The following ZFHX4 variants were observed in gnomAD, a reference collection of about 807,000 sequenced individuals.
The protein encoded by ZFHX4 is zinc finger homeobox 4.
ZFHX4 carries 56 observed loss-of-function variants against 267.6 expected under a neutral mutation model. The observed-to-expected ratio is 0.21, with a 90% CI of 0.17 to 0.26. ZFHX4 has a LOEUF of 0.26. Ranked by LOEUF, ZFHX4 falls within the 10% of genes least tolerant of loss-of-function variation. The pLI is 1.00. For synonymous variants in ZFHX4, 1,778 were observed against 1,665.6 expected (o/e 1.07, Z -1.64); for missense variants, 4,332 against 4,420.0 (o/e 0.98, Z 0.56).
intron 3 of ZFHX4, among the ~76,000 whole-genome samples, chr8:76,719,754 A>C (rs1473385199): frequency 6.6e-6 from 1 of 152,164 alleles, no homozygotes; most frequent in African/African-American, 2.4e-5. Flanking sequence ...CCAAACAAGT[A>C]TCTTCTTAAA....
At chr8:76,787,370 G>A (rs1455090480) in intron 4 of ZFHX4, among the ~76,000 whole-genome samples, 5 of 152,104 alleles carry the variant, frequency 3.3e-5, no homozygotes, top group African/African-American at 1.2e-4. Flanking sequence ...AGAGGGAAGT[G>A]ATTAGGTAGT....
At chr8:76,702,154 A>G (rs762545458) in intron 1 of ZFHX4, among the ~76,000 whole-genome samples, 5 of 152,212 alleles carry the variant, frequency 3.3e-5, no homozygotes, top group Non-Finnish European at 7.3e-5. Context: ...AGCTGTATGC[A>G]TGCCATAAGG....
chr8:76,851,159 A>G lies in ZFHX4; in HGVS notation c.4238A>G (p.Gln1413Arg). The G allele has an allele frequency of 6.2e-7, 1 of 1,613,988 alleles. No homozygotes were observed. The highest frequency in any genetic ancestry group is 8.5e-7 in the Non-Finnish European group (1 of 1,179,886). Residue 1413 changes from glutamine to arginine, a missense_variant, in exon 10 of 11, where the codon CAG becomes CGG. Physicochemically the swap from Gln to Arg is conservative, Grantham distance 43. Around this residue, in one of 7 missense-constraint regions of ZFHX4, gnomAD observed 1,371 missense variants for 1,423.1 expected, o/e 0.96. Transcript: ENST00000651372. ...SLAFKTMQKL[Q>R]IHSQYHAIRA... Reference sequence around the variant, plus strand: ...GCTTTCAAAACTATGCAGAAGCTTCAGATACATTCCCAGTATCATGCAATT... The same window carrying G: ...GCTTTCAAAACTATGCAGAAGCTTCGGATACATTCCCAGTATCATGCAATT...
intron 4 of ZFHX4, among the ~76,000 whole-genome samples, chr8:76,827,843 T>C (rs1811827712): frequency 1.3e-5 from 2 of 152,182 alleles, no homozygotes; most frequent in African/African-American, 2.4e-5. Context: ...AAAGGAGCTT[T>C]ACTTTTCCAG....
intron 3 of ZFHX4, among the ~76,000 whole-genome samples, chr8:76,715,828 A>G (rs965558270): frequency 7.2e-5 from 11 of 152,186 alleles, no homozygotes; most frequent in Admixed American, 2.0e-4. Flanking sequence ...GTGTATGGAG[A>G]TCATATTCTT....
intron 1 of ZFHX4, among the ~76,000 whole-genome samples, chr8:76,686,058 A>C (rs925700347): frequency 6.6e-6 from 1 of 152,182 alleles, no homozygotes; most frequent in African/African-American, 2.4e-5. Context: ...TTTATCACAT[A>C]ATCTTGGGAA....
chr8:76,857,056 T>A (rs1812748472), intron 10 of ZFHX4, among the ~76,000 whole-genome samples: 1 of 152,190 alleles, frequency 6.6e-6, no homozygotes, highest in Non-Finnish European at 1.5e-5. Flanking sequence ...TGTAAAGCTG[T>A]TTGAGGCAAC....
intron 3 of ZFHX4, among the ~76,000 whole-genome samples, chr8:76,770,648 A>G (rs1810238930): frequency 6.6e-6 from 1 of 152,180 alleles, no homozygotes; most frequent in South Asian, 2.1e-4. Flanking sequence ...TTGATTAGTG[A>G]TGGGATAAGC....
intron 3 of ZFHX4, among the ~76,000 whole-genome samples, chr8:76,749,863 A>G (rs986765134): frequency 6.6e-6 from 1 of 152,186 alleles, no homozygotes; most frequent in Non-Finnish European, 1.5e-5. Flanking sequence ...ATCTTTTGAT[A>G]GACTAATTAT....
At chr8:76,810,987 T>C (rs537035288) in intron 4 of ZFHX4, among the ~76,000 whole-genome samples, 94 of 152,300 alleles carry the variant, frequency 6.2e-4, no homozygotes, top group African/African-American at 2.2e-3. Context: ...AGGCCATCTC[T>C]GAATGAGCCC....
chr8:76,823,963 G>T (rs1445974932), intron 4 of ZFHX4, among the ~76,000 whole-genome samples: 1 of 152,248 alleles, frequency 6.6e-6, no homozygotes, highest in African/African-American at 2.4e-5. Flanking sequence ...TTATTTATTT[G>T]TTTTGCATGC....
intron 10 of ZFHX4, 101 bp downstream of exon 10, chr8:76,856,401 C>A: frequency 7.5e-7 from 1 of 1,334,576 alleles, no homozygotes; most frequent in Non-Finnish European, 1.0e-6. Context: ...CTTTTAATTT[C>A]AGCTAGTGAA....
Position 76,852,929 on chromosome 8 carries a change from C to A in ZFHX4, c.6008C>A (p.Pro2003Gln). The change falls in exon 10 of 11, where the codon CCG becomes CAG. Residue 2003 changes from proline to glutamine, a missense_variant. By Grantham distance (76) the Pro-to-Gln change is moderately conservative. Transcript: ENST00000651372. ...YPISPSSPET[P>Q]PPPPPPPPLP... The stretch of plus-strand genomic sequence containing the variant: ...ATTTCTCCATCTTCTCCAGAAACGC[C>A]GCCCCCGCCACCTCCTCCTCCTCCC... 6.3e-7 allele frequency: 1 copy of A among 1,593,482 alleles called. No individual in the cohort carries two copies. The highest frequency in any genetic ancestry group is 1.1e-5 in the South Asian group (1 of 88,592).
chr8:76,798,535 C>T (rs1811040667), intron 4 of ZFHX4, among the ~76,000 whole-genome samples: 1 of 152,140 alleles, frequency 6.6e-6, no homozygotes, highest in Admixed American at 6.6e-5. Flanking sequence ...AGTTCTCTAT[C>T]ACACAGCACT....
chr8:76,768,809 A>G (rs369756126), intron 3 of ZFHX4, among the ~76,000 whole-genome samples: 109 of 152,328 alleles, frequency 7.2e-4, no homozygotes, highest in Middle Eastern at 6.8e-3. Flanking sequence ...TATTAACTAA[A>G]CAAAGAGAGA....
At chr8:76,699,244 T>C (rs1468953755) in intron 1 of ZFHX4, among the ~76,000 whole-genome samples, 7 of 152,196 alleles carry the variant, frequency 4.6e-5, no homozygotes, top group Non-Finnish European at 1.0e-4. Flanking sequence ...AAAAATGTGC[T>C]TTTGTTAAGT....
chr8:76,699,225 C>T (rs1415509841), intron 1 of ZFHX4, among the ~76,000 whole-genome samples: 1 of 152,110 alleles, frequency 6.6e-6, no homozygotes, highest in Non-Finnish European at 1.5e-5. Flanking sequence ...CTACCCAACC[C>T]CCACCTCTAA....
intron 3 of ZFHX4, among the ~76,000 whole-genome samples, chr8:76,741,342 A>G (rs1381691378): frequency 6.6e-6 from 1 of 152,184 alleles, no homozygotes. Flanking sequence ...TCATCAGTTG[A>G]AAAACTACAG....
chr8:76,812,753 T>C (rs1449502187), intron 4 of ZFHX4, among the ~76,000 whole-genome samples: 1 of 152,142 alleles, frequency 6.6e-6, no homozygotes, highest in Non-Finnish European at 1.5e-5. Flanking sequence ...ATAAAGATTG[T>C]AACGAAAAAA....
Sources: gnomAD v4.1 joint callset for allele counts (sites outside exome capture counted in the v4.1 genomes callset) on GRCh38, gnomAD v4.1.1 for gene constraint, gnomAD v4.1.1 regional missense constraint, MANE v1.5 for transcripts, NCBI Gene and HGNC (gene_info 2026-07-23, HGNC 2026-07-21) for gene names.